CDH20: variants seen among roughly 807,000 people sequenced by gnomAD.
CDH20 encodes the protein cadherin-20.
A neutral mutation model predicts 74.2 loss-of-function variants in CDH20; 29 were observed. The ratio of observed to expected loss-of-function variants is 0.39; its 90% confidence interval spans 0.29 to 0.53. CDH20 has a LOEUF of 0.53. Ranked by LOEUF, CDH20 falls within the 20% of genes least tolerant of loss-of-function variation. The probability of loss-of-function intolerance (pLI) is 0.69; values close to 1 mark genes in which losing one functional copy is unlikely to be tolerated. For synonymous variants in CDH20, 469 were observed against 405.4 expected (o/e 1.16, Z -1.88); for missense variants, 988 against 1,048.3 (o/e 0.94, Z 0.79).
intron 6 of CDH20, among the ~76,000 whole-genome samples, chr18:61,515,467 T>C (rs1400670839): frequency 6.6e-6 from 1 of 152,144 alleles, no homozygotes; most frequent in Non-Finnish European, 1.5e-5. Context: ...TCTTCTGCGT[T>C]GCTCACGCTG....
chr18:61,407,982 G>T (rs980292065), intron 1 of CDH20, among the ~76,000 whole-genome samples: 1 of 152,138 alleles, frequency 6.6e-6, no homozygotes. Context: ...TTCCAAAATT[G>T]GTTATATATG....
At chr18:61,358,716 C>T (rs918757720) in intron 1 of CDH20, among the ~76,000 whole-genome samples, 27 of 152,136 alleles carry the variant, frequency 1.8e-4, no homozygotes, top group African/African-American at 6.5e-4. Context: ...TACCATAATG[C>T]TGCTTAATTC....
At chr18:61,402,290 A>G (rs1912179972) in intron 1 of CDH20, among the ~76,000 whole-genome samples, 1 of 152,172 alleles carries the variant, frequency 6.6e-6, no homozygotes, top group Non-Finnish European at 1.5e-5. Context: ...AGGAAGGCTC[A>G]TTCTTCACCC....
In CDH20 at chr18:61,554,994, T is replaced by C; in HGVS notation, c.*299T>C. 8.2e-7 allele frequency: 1 copy of C among 1,224,498 alleles called. No individual in the cohort carries two copies. The highest frequency in any genetic ancestry group is 1.0e-6 in the Non-Finnish European group (1 of 978,302). The allele number at this position is 1,224,498 out of a possible 1,614,324, so 75.9% of individuals were successfully genotyped here. ...GGTGTTCTGACAAGGGTGGCTTTTC[T>C]CTGCCATTCGCTAAGGCCTTTGTCA... On this transcript the variant is annotated 3_prime_UTR_variant, in exon 12 of 12. Transcript: ENST00000262717.
At chr18:61,465,405 C>T (rs1909926036) in intron 1 of CDH20, among the ~76,000 whole-genome samples, 1 of 152,170 alleles carries the variant, frequency 6.6e-6, no homozygotes, top group Non-Finnish European at 1.5e-5. Flanking sequence ...CATCTTCTAA[C>T]TGCATGGACC....
Position 61,512,868 on chromosome 18 carries a change from C to T in CDH20, c.1017+5308C>T, listed in dbSNP as rs971517381. ...TTTGATTGCACTGTGGTCTGAGAGACAGTTTGTTATAATTTCTGTTCTTTT... is the reference window on the plus strand; with the variant it reads ...TTTGATTGCACTGTGGTCTGAGAGATAGTTTGTTATAATTTCTGTTCTTTT... On this transcript the variant is annotated intron_variant, in intron 6 of 11. Coordinates refer to ENST00000262717, the MANE Select transcript of CDH20 (RefSeq NM_031891.4). Among the ~76,000 whole-genome samples the T allele has an allele frequency of 2.6e-5, 4 of 152,038 alleles. No homozygotes were observed. The East Asian group carries it at 7.7e-4, about 29-fold the overall frequency.
chr18:61,489,439 G>A (rs1264075758), intron 1 of CDH20, among the ~76,000 whole-genome samples: 7 of 151,866 alleles, frequency 4.6e-5, no homozygotes, highest in Admixed American at 3.3e-4. Flanking sequence ...CATTTTGGTT[G>A]TCTTGACAGG....
In CDH20 at chr18:61,353,945, T is replaced by G. The variant is rs1381330314; in HGVS notation, c.-153+20118T>G. On this transcript the variant is annotated intron_variant, in intron 1 of 11. Coordinates refer to ENST00000262717, the MANE Select transcript of CDH20 (RefSeq NM_031891.4). The surrounding 1 kb of genome is among the most constrained non-coding windows in gnomAD (Gnocchi z 4.6). The stretch of plus-strand genomic sequence containing the variant: ...AAAAATACAAAATATTAGTTGGGCA[T>G]GGTGGCGTGCACCTGTGGTCCCAGC... Among the ~76,000 whole-genome samples the G allele has an allele frequency of 6.6e-6, 1 of 151,350 alleles. No individual in the cohort carries two copies. The highest frequency in any genetic ancestry group is 1.5e-5 in the Non-Finnish European group (1 of 67,928).
chr18:61,458,360 T>C (rs921273698), intron 1 of CDH20, among the ~76,000 whole-genome samples: 2 of 152,160 alleles, frequency 1.3e-5, no homozygotes, highest in African/African-American at 4.8e-5. Context: ...CCCTCAATCA[T>C]AATTTATTAG....
chr18:61,437,036 A>G (rs1908861942), intron 1 of CDH20, among the ~76,000 whole-genome samples: 1 of 152,186 alleles, frequency 6.6e-6, no homozygotes, highest in Non-Finnish European at 1.5e-5. Context: ...CCTGGAACAT[A>G]GTAGGCACTC....
intron 1 of CDH20, among the ~76,000 whole-genome samples, chr18:61,485,812 G>T (rs79232139): frequency 0.026 from 3,904 of 152,246 alleles, 121 homozygotes; most frequent in East Asian, 0.12. Flanking sequence ...GGTGGCTCAC[G>T]CCTGTAATCC....
chr18:61,346,189 G>T (rs1910110088), intron 1 of CDH20, among the ~76,000 whole-genome samples: 1 of 152,196 alleles, frequency 6.6e-6, no homozygotes, highest in Middle Eastern at 3.2e-3. Flanking sequence ...CTAAGCCATG[G>T]TCTTGTTTAT....
rs554085932 is a variant in CDH20 at position 61,515,425 on chromosome 18, G to A, written c.1017+7865G>A. Among the ~76,000 whole-genome samples the A allele has an allele frequency of 7.8e-3, 1,193 of 152,158 alleles. 18 individuals carry two copies. The highest frequency in any genetic ancestry group is 0.027 in the African/African-American group (1,132 of 41,542). ...TGGCACTCCCTAGCGAGATGAACCC[G>A]GTACCTCAGATGGAAATGCAGAAAT... On this transcript the variant is annotated intron_variant, in intron 6 of 11. Transcript: ENST00000262717.
rs560092244 is a variant in CDH20, at chr18:61,435,334, T to C, written c.-152-55068T>C. 5.9e-5 allele frequency among the ~76,000 whole-genome samples: 9 copies of C among 152,234 alleles called. No individual in the cohort carries two copies. The South Asian group carries it at 1.9e-3, about 32-fold the overall frequency. ...AAATCGTGATGTAGGCAGGATGCTGTCAATACCTAGCATATCCCATACTCT... is the reference window on the plus strand; with the variant it reads ...AAATCGTGATGTAGGCAGGATGCTGCCAATACCTAGCATATCCCATACTCT... On this transcript the variant is annotated intron_variant, in intron 1 of 11. Transcript: ENST00000262717.
intron 7 of CDH20, among the ~76,000 whole-genome samples, chr18:61,529,377 C>T (rs1187074506): frequency 6.6e-6 from 1 of 152,130 alleles, no homozygotes; most frequent in Non-Finnish European, 1.5e-5. Flanking sequence ...ACGGCTTTCT[C>T]CAGAGAATAA....
intron 1 of CDH20, among the ~76,000 whole-genome samples, chr18:61,386,388 T>A (rs562651937): frequency 6.6e-6 from 1 of 152,292 alleles, no homozygotes; most frequent in South Asian, 2.1e-4. Context: ...TGAGGTCTCA[T>A]GGAGAAGGCA....
chr18:61,499,155 A>G (rs76457811), intron 2 of CDH20, 31 bp from the exon 3 acceptor site: 29,138 of 1,489,230 alleles, frequency 0.02, 1,047 homozygotes, highest in East Asian at 0.12. Context: ...GTTGACATTC[A>G]TGATGAGAAT....
At chr18:61,457,353 T>C (rs72991897) in intron 1 of CDH20, among the ~76,000 whole-genome samples, 20,465 of 152,104 alleles carry the variant, frequency 0.13, 1,665 homozygotes, top group Middle Eastern at 0.21. Context: ...CTGTTCAAAG[T>C]GCTTGTTGTA....
chr18:61,338,170 C>A (rs1328412690), intron 1 of CDH20, among the ~76,000 whole-genome samples: 1 of 151,926 alleles, frequency 6.6e-6, no homozygotes, highest in Non-Finnish European at 1.5e-5. Flanking sequence ...ATAAGTAGTA[C>A]AAAATTATGA....
Sources: allele counts gnomAD v4.1 joint callset (sites outside exome capture counted in the v4.1 genomes callset), GRCh38; gene constraint gnomAD v4.1.1; non-coding constraint Gnocchi (gnomAD v3.1); transcripts MANE v1.5; gene names NCBI Gene and HGNC (gene_info 2026-07-23, HGNC 2026-07-21).